Variants in PACRG observed in about 807,000 individuals in gnomAD.
PACRG encodes parkin coregulated.
Under a neutral mutation model 29.7 loss-of-function variants are expected in PACRG, and 29 were observed. That is an observed-to-expected ratio of 0.98 (90% CI 0.73 to 1.33). The LOEUF (loss-of-function observed/expected upper bound fraction) is 1.33, where lower values mean the gene tolerates loss of function less well. Among genes scored for constraint, PACRG ranks in the 40% most tolerant of loss-of-function variants. PACRG has a pLI of 0.00. For missense variants in PACRG, 279 were observed against 316.2 expected (o/e 0.88, Z 0.89); for synonymous variants, 116 against 118.7 (o/e 0.98, Z 0.15).
intron 4 of PACRG, among the ~76,000 whole-genome samples, chr6:163,122,668 G>A (rs1249591557): frequency 6.6e-6 from 1 of 152,160 alleles, no homozygotes; most frequent in Non-Finnish European, 1.5e-5. Context: ...TGTGTAGCCT[G>A]CAGAATCGGA....
At chr6:163,045,634 T>C (rs1383073264) in intron 2 of PACRG, among the ~76,000 whole-genome samples, 1 of 149,254 alleles carries the variant, frequency 6.7e-6, no homozygotes, top group Non-Finnish European at 1.5e-5. Context: ...TTTTTTTTTT[T>C]TTTTTTGAGA....
intron 4 of PACRG, chr6:163,101,155 C>T (rs531476438): frequency 1.0e-6 from 1 of 984,052 alleles, no homozygotes; most frequent in South Asian, 4.7e-5. Flanking sequence ...TGCCTCTGCC[C>T]CCGCCCCCCA....
chr6:163,045,622 T>A (rs911891175), intron 2 of PACRG, among the ~76,000 whole-genome samples: 6 of 28,292 alleles, frequency 2.1e-4, no homozygotes, highest in Admixed American at 1.5e-3. Context: ...TGCGCCCAGC[T>A]TTTTTTTTTT....
intron 2 of PACRG, among the ~76,000 whole-genome samples, chr6:163,018,217 C>T (rs1806282889): frequency 6.6e-6 from 1 of 151,982 alleles, no homozygotes; most frequent in Admixed American, 6.6e-5. Flanking sequence ...ACATGTTTTC[C>T]TACTCTCCTA....
At chr6:163,240,790 C>T (rs1315268457) in intron 4 of PACRG, among the ~76,000 whole-genome samples, 2 of 152,178 alleles carry the variant, frequency 1.3e-5, no homozygotes, top group Non-Finnish European at 2.9e-5. Flanking sequence ...TGGTCCATTC[C>T]GGAGCGCAGC....
Position 163,063,601 on chromosome 6 carries a change from G to A in PACRG, c.463+1280G>A, listed in dbSNP as rs150267362. 5.8e-4 allele frequency among the ~76,000 whole-genome samples: 88 copies of A among 152,294 alleles called. 3 individuals carry two copies. In the East Asian group the frequency reaches 0.016, roughly 28 times the overall value. On this transcript the variant is annotated intron_variant, in intron 3 of 4. Transcript: ENST00000366888. ...CAAATGTATCATGATCAAAATGCTAGATTTCCACAGTTCTGCTCTTACTGC... is the reference window on the plus strand; with the variant it reads ...CAAATGTATCATGATCAAAATGCTAAATTTCCACAGTTCTGCTCTTACTGC...
chr6:162,947,647 T>TATATATATATATATAC (rs1799340390), intron 2 of PACRG, among the ~76,000 whole-genome samples: 1 of 56,610 alleles, frequency 1.8e-5, no homozygotes, highest in African/African-American at 7.7e-5. Context: ...TATATATATA[T>TATATATATATATATAC]ACACCCAAAG....
intron 4 of PACRG, among the ~76,000 whole-genome samples, chr6:163,215,064 A>G (rs979287367): frequency 2.0e-5 from 3 of 150,978 alleles, no homozygotes; most frequent in Admixed American, 6.6e-5. Flanking sequence ...CCCATTTGTA[A>G]TTTTTTTTTA....
At chr6:163,176,184 G>A (rs145998850) in intron 4 of PACRG, among the ~76,000 whole-genome samples, 21 of 152,198 alleles carry the variant, frequency 1.4e-4, no homozygotes, top group African/African-American at 4.8e-4. Flanking sequence ...TCCTTTGAAC[G>A]GCCTCTTTAT....
chr6:162,978,994 C>G (rs1378025824), intron 2 of PACRG, among the ~76,000 whole-genome samples: 1 of 152,094 alleles, frequency 6.6e-6, no homozygotes, highest in Non-Finnish European at 1.5e-5. Context: ...TCCCTGTTCT[C>G]CAGTCTCCTA....
chr6:163,252,133 C>T (rs1198311361), intron 4 of PACRG, among the ~76,000 whole-genome samples: 1 of 152,212 alleles, frequency 6.6e-6, no homozygotes, highest in East Asian at 1.9e-4. Context: ...CTGCCTGCCT[C>T]ACAATTACCC....
chr6:162,743,426 A>C (rs2128265323), intron 1 of PACRG, among the ~76,000 whole-genome samples: 1 of 152,168 alleles, frequency 6.6e-6, no homozygotes, highest in South Asian at 2.1e-4. Flanking sequence ...TTGTTTGTAG[A>C]ATTGGAGTCA....
At chr6:162,798,384 A>AT (rs1175074486) in intron 1 of PACRG, among the ~76,000 whole-genome samples, 7 of 151,956 alleles carry the variant, frequency 4.6e-5, no homozygotes, top group Admixed American at 3.3e-4. Context: ...CCAGAAATAC[A>AT]TTTTTTTCTG....
intron 4 of PACRG, among the ~76,000 whole-genome samples, chr6:163,308,029 A>G (rs750258572): frequency 4.6e-5 from 7 of 152,228 alleles, no homozygotes; most frequent in Non-Finnish European, 8.8e-5. Flanking sequence ...AAGCTAACCC[A>G]AACAAACACA....
At chr6:163,247,055 T>A (rs978349939) in intron 4 of PACRG, among the ~76,000 whole-genome samples, 2 of 152,214 alleles carry the variant, frequency 1.3e-5, no homozygotes, top group African/African-American at 4.8e-5. Context: ...AAATGCAGTA[T>A]AATGAAGGGG....
chr6:163,023,725 C>T (rs1262570420), intron 2 of PACRG, among the ~76,000 whole-genome samples: 1 of 152,190 alleles, frequency 6.6e-6, no homozygotes, highest in African/African-American at 2.4e-5. Context: ...TCTCTGCAGC[C>T]TCACCAGGAT....
intron 3 of PACRG, among the ~76,000 whole-genome samples, chr6:163,079,660 C>T (rs1812886992): frequency 1.3e-5 from 2 of 151,998 alleles, no homozygotes; most frequent in South Asian, 4.1e-4. Context: ...ATAATCAGTC[C>T]TAGAATCACA....
At chr6:163,285,324 C>T (rs775294729) in intron 4 of PACRG, among the ~76,000 whole-genome samples, 2 of 152,226 alleles carry the variant, frequency 1.3e-5, no homozygotes, top group Non-Finnish European at 2.9e-5. Context: ...TCGTCCCTCC[C>T]GCTTCCCCTG....
chr6:162,789,648 T>A (rs1011111368), intron 1 of PACRG, among the ~76,000 whole-genome samples: 3 of 152,218 alleles, frequency 2.0e-5, no homozygotes, highest in Non-Finnish European at 2.9e-5. Context: ...TTAGGTATCA[T>A]GGATTAATTT....
Sources: gnomAD v4.1 joint callset for allele counts (sites outside exome capture counted in the v4.1 genomes callset) on GRCh38, gnomAD v4.1.1 for gene constraint, MANE v1.5 for transcripts, NCBI Gene and HGNC (gene_info 2026-07-23, HGNC 2026-07-21) for gene names.